Variants in COG5 observed in about 807,000 individuals in gnomAD.
COG5 encodes the protein component of oligomeric golgi complex 5.
Under a neutral mutation model 110.4 loss-of-function variants are expected in COG5, and 86 were observed. The observed-to-expected ratio is 0.78, with a 90% confidence interval of 0.65 to 0.93. The LOEUF (loss-of-function observed/expected upper bound fraction) is 0.93, where lower values mean the gene tolerates loss of function less well. Ranked by LOEUF, COG5 falls within the 40% of genes least tolerant of loss-of-function variation. The pLI, the probability that COG5 is intolerant of heterozygous loss-of-function variation, is 0.00. For missense variants in COG5, 1,077 were observed against 987.0 expected (o/e 1.09, Z -1.22); for synonymous variants, 360 against 334.6 (o/e 1.08, Z -0.83).
At chr7:107,319,228 T>C (rs1419728248) in intron 11 of COG5, among the ~76,000 whole-genome samples, 1 of 152,192 alleles carries the variant, frequency 6.6e-6, no homozygotes, top group East Asian at 1.9e-4. Context: ...TTTAAAATAT[T>C]TGAGCACATT....
chr7:107,543,942 A>G (rs751337256), intron 5 of COG5, among the ~76,000 whole-genome samples: 12 of 151,856 alleles, frequency 7.9e-5, no homozygotes, highest in Non-Finnish European at 1.6e-4. Flanking sequence ...GCCTGCCCCC[A>G]AGACCTGATG....
intron 6 of COG5, among the ~76,000 whole-genome samples, chr7:107,440,266 G>A (rs1475592961): frequency 6.6e-6 from 1 of 151,984 alleles, no homozygotes. Flanking sequence ...GTATTTGTTT[G>A]AATGAATTAA....
chr7:107,483,265 G>A (rs187949662), intron 6 of COG5, among the ~76,000 whole-genome samples: 2 of 152,094 alleles, frequency 1.3e-5, no homozygotes, highest in Admixed American at 6.6e-5. Context: ...CTTTCACTAA[G>A]AACTTTTTCC....
chr7:107,369,014 G>C (rs1300565208), intron 8 of COG5, among the ~76,000 whole-genome samples: 2 of 152,132 alleles, frequency 1.3e-5, no homozygotes, highest in Non-Finnish European at 1.5e-5. Flanking sequence ...GCTGAGGCTG[G>C]ATTCAAACTC....
chr7:107,231,634 A>G lies in COG5; in HGVS notation c.2092-943T>C, dbSNP rs1800781784. ...TACAGCACCTTTCTTCAAGAAGCACATATGATTTAAGGCTTCTGTCCTGCT... is the reference window on the plus strand; with the variant it reads ...TACAGCACCTTTCTTCAAGAAGCACGTATGATTTAAGGCTTCTGTCCTGCT... On this transcript the variant is annotated intron_variant, in intron 18 of 21. Coordinates refer to ENST00000297135, the MANE Select transcript of COG5 (RefSeq NM_006348.5). Among the ~76,000 whole-genome samples the G allele has an allele frequency of 3.3e-5, 5 of 152,332 alleles. No individual in the cohort carries two copies. The South Asian group carries it at 1.0e-3, about 32-fold the overall frequency.
At chr7:107,555,117 A>G (rs1313882746) in intron 2 of COG5, among the ~76,000 whole-genome samples, 7 of 152,262 alleles carry the variant, frequency 4.6e-5, no homozygotes. Flanking sequence ...ATACCTGAAC[A>G]TCTCTCTGCT....
chr7:107,444,958 C>T (rs978985547), intron 6 of COG5, among the ~76,000 whole-genome samples: 11 of 152,120 alleles, frequency 7.2e-5, no homozygotes, highest in African/African-American at 2.2e-4. Context: ...GAGGCCAAGG[C>T]GGGGGAACTG....
At chr7:107,444,520 C>A (rs1794895639) in intron 6 of COG5, among the ~76,000 whole-genome samples, 2 of 152,148 alleles carry the variant, frequency 1.3e-5, no homozygotes, top group Admixed American at 6.5e-5. Flanking sequence ...TGTTCTTTCA[C>A]CCCCTACTTT....
chr7:107,302,157 T>A (rs193201986), intron 11 of COG5, among the ~76,000 whole-genome samples: 1 of 152,116 alleles, frequency 6.6e-6, no homozygotes. Flanking sequence ...GGCCAATGCA[T>A]AAACAAACTA....
Position 107,248,501 on chromosome 7 carries a change from T to TAAAAAAAAAAAAAAAAAA in COG5, c.1750-3_1750-2insTTTTTTTTTTTTTTTTTT. On this transcript the variant is annotated splice_region_variant and splice_polypyrimidine_tract_variant and intron_variant, in intron 16 of 21. Coordinates refer to ENST00000297135, the MANE Select transcript of COG5 (RefSeq NM_006348.5). ...ATTTTCCATAAGAGCATGAATAGCCTAAAAAAAAAAAAGAAAGAAAAAAAA... is the reference window on the plus strand; with the variant it reads ...ATTTTCCATAAGAGCATGAATAGCCTAAAAAAAAAAAAAAAAAAAAAAAAAAAAAAGAAAGAAAAAAAA... 4 of 1,268,798 alleles carry TAAAAAAAAAAAAAAAAAA rather than the reference T, an allele frequency of 3.2e-6. No homozygotes were observed. Among genetic ancestry groups the TAAAAAAAAAAAAAAAAAA allele is most frequent in the Non-Finnish European group, 3.2e-6 (3 of 929,406 alleles). 78.6% of individuals were successfully genotyped at this position (1,268,798 alleles called of 1,614,324 possible).
At chr7:107,217,450 T>A (rs1180630335) in intron 19 of COG5, among the ~76,000 whole-genome samples, 2 of 152,112 alleles carry the variant, frequency 1.3e-5, no homozygotes, top group African/African-American at 4.8e-5. Context: ...CAGGGCAATA[T>A]CCTTGATGAA....
At chr7:107,301,287 T>G (rs147566644) in intron 11 of COG5, among the ~76,000 whole-genome samples, 1 of 152,232 alleles carries the variant, frequency 6.6e-6, no homozygotes, top group African/African-American at 2.4e-5. Context: ...GTGTCTGCTC[T>G]TCAAAAAAAA....
chr7:107,409,423 T>C (rs550092271), intron 7 of COG5, among the ~76,000 whole-genome samples: 10 of 152,036 alleles, frequency 6.6e-5, no homozygotes, highest in African/African-American at 1.4e-4. Flanking sequence ...AGTAGATTCA[T>C]TGAAGAAGTC....
At chr7:107,245,188 A>C (rs190064117) in intron 17 of COG5, among the ~76,000 whole-genome samples, 5 of 152,360 alleles carry the variant, frequency 3.3e-5, no homozygotes, top group Admixed American at 2.0e-4. Context: ...AATTCTCAAT[A>C]AATTAGGTAT....
At chr7:107,402,361 T>C (rs758605583) in intron 7 of COG5, among the ~76,000 whole-genome samples, 1 of 152,338 alleles carries the variant, frequency 6.6e-6, no homozygotes, top group East Asian at 1.9e-4. Context: ...TCTTTCCTGA[T>C]GACCTCTAAA....
rs1426579894 is a variant in COG5 at position 107,475,989 on chromosome 7, T to C, written c.538+51248A>G. On this transcript the variant is annotated intron_variant, in intron 6 of 21. Transcript: ENST00000297135. ...AAAAACCTCTGTATACACACCAAAA[T>C]AGAGAAACTTTAAAATTCATGCTTA... is the stretch of plus-strand genomic sequence containing the variant. Among the ~76,000 whole-genome samples, 6 of 150,480 alleles carry C rather than the reference T, an allele frequency of 4.0e-5. No individual in the cohort carries two copies. In the South Asian group the frequency reaches 8.3e-4, roughly 21 times the overall value.
At chr7:107,289,055 G>A (rs1331676308) in intron 12 of COG5, among the ~76,000 whole-genome samples, 3 of 149,616 alleles carry the variant, frequency 2.0e-5, no homozygotes, top group Non-Finnish European at 4.4e-5. Flanking sequence ...CAAACTCCTG[G>A]ACTCAAGTGA....
intron 11 of COG5, among the ~76,000 whole-genome samples, chr7:107,317,423 G>C (rs768140769): frequency 6.9e-4 from 105 of 152,164 alleles, no homozygotes; most frequent in Middle Eastern, 3.4e-3. Flanking sequence ...TCCAGAGTTT[G>C]GGGGAAAACT....
chr7:107,372,506 T>G (rs897576586), intron 8 of COG5, 89 bp downstream of exon 8: 10 of 1,246,678 alleles, frequency 8.0e-6, no homozygotes, highest in Non-Finnish European at 1.2e-5. Flanking sequence ...GTCATTAGAT[T>G]GCTTTGAAAC....
Sources: gnomAD v4.1 joint callset for allele counts (sites outside exome capture counted in the v4.1 genomes callset) on GRCh38, gnomAD v4.1.1 for gene constraint, MANE v1.5 for transcripts, NCBI Gene and HGNC (gene_info 2026-07-23, HGNC 2026-07-21) for gene names.